Variants in CD86 observed in about 807,000 individuals in gnomAD.
CD86 encodes the protein T-lymphocyte activation antigen CD86.
Under a neutral mutation model 32.1 loss-of-function variants are expected in CD86, and 11 were observed. The observed-to-expected ratio is 0.34, with a 90% confidence interval of 0.22 to 0.57. The LOEUF is 0.57. Ranked by LOEUF, CD86 falls within the 20% of genes least tolerant of loss-of-function variation. The probability of loss-of-function intolerance (pLI) is 0.86; values close to 1 mark genes in which losing one functional copy is unlikely to be tolerated. For missense variants in CD86, 359 were observed against 398.4 expected, an observed-to-expected ratio of 0.90 and a Z score of 0.84; for synonymous variants, 137 against 135.3, an observed-to-expected ratio of 1.01 and a Z score of -0.09.
intron 1 of CD86, 121 bp downstream of exon 1, chr3:122,055,624 CT>C (rs1178271038): frequency 8.9e-6 from 8 of 895,752 alleles, no homozygotes; most frequent in Non-Finnish European, 1.3e-5. Flanking sequence ...GAGAAGCTTT[CT>C]TTTTCTACAA....
chr3:122,111,440 C>T (rs1465807131), intron 5 of CD86, among the ~76,000 whole-genome samples: 6 of 152,152 alleles, frequency 3.9e-5, no homozygotes, highest in Admixed American at 1.3e-4. Flanking sequence ...ATTAAGGCAC[C>T]AAGCTTGAGA....
chr3:122,105,690 A>G (rs2073079418), intron 3 of CD86, among the ~76,000 whole-genome samples: 1 of 152,170 alleles, frequency 6.6e-6, no homozygotes, highest in Non-Finnish European at 1.5e-5. Flanking sequence ...TCGAATTCCA[A>G]AATATCCACC....
chr3:122,103,109 C>G (rs779743995), intron 2 of CD86, among the ~76,000 whole-genome samples: 55 of 151,896 alleles, frequency 3.6e-4, no homozygotes, highest in Middle Eastern at 6.8e-3. Context: ...GTAACAGCTA[C>G]AGTGATGAAA....
At chr3:122,080,862 C>T (rs1335018060) in intron 1 of CD86, among the ~76,000 whole-genome samples, 1 of 152,150 alleles carries the variant, frequency 6.6e-6, no homozygotes, top group Non-Finnish European at 1.5e-5. Context: ...GTCCACCAGA[C>T]ACCAAGAAGT....
At chr3:122,090,124 A>G (rs74918147) in intron 1 of CD86, among the ~76,000 whole-genome samples, 2,990 of 152,248 alleles carry the variant, frequency 0.02, 105 homozygotes, top group African/African-American at 0.067. Context: ...GCTTTCCACT[A>G]TTTATCACCT....
At chr3:122,059,487 G>A (rs1429952322) in intron 1 of CD86, among the ~76,000 whole-genome samples, 1 of 148,892 alleles carries the variant, frequency 6.7e-6, no homozygotes, top group African/African-American at 2.5e-5. Context: ...AGTGAGCTGA[G>A]ATAGCACCAC....
chr3:122,117,028 A>G (rs1165470852), intron 5 of CD86, among the ~76,000 whole-genome samples: 3 of 152,194 alleles, frequency 2.0e-5, no homozygotes, highest in South Asian at 2.1e-4. Flanking sequence ...TTTATTAATT[A>G]TACCTCCATA....
intron 1 of CD86, among the ~76,000 whole-genome samples, chr3:122,069,441 A>G (rs1368407155): frequency 1.3e-5 from 2 of 152,186 alleles, no homozygotes; most frequent in Non-Finnish European, 2.9e-5. Context: ...GTCAATAGTG[A>G]TTGCCAGTTC....
chr3:122,088,265 A>G (rs979420933), intron 1 of CD86, among the ~76,000 whole-genome samples: 2 of 112,446 alleles, frequency 1.8e-5, no homozygotes, highest in African/African-American at 7.0e-5. Flanking sequence ...AATTTCTTTT[A>G]TTTTGAGTAT....
intron 2 of CD86, among the ~76,000 whole-genome samples, chr3:122,095,481 G>A (rs564426484): frequency 6.0e-4 from 92 of 152,148 alleles, no homozygotes; most frequent in Admixed American, 1.6e-3. Flanking sequence ...CACTGCGCCC[G>A]GCCCACCTTA....
At chr3:122,085,052 C>A (rs1036834440) in intron 1 of CD86, among the ~76,000 whole-genome samples, 2 of 152,154 alleles carry the variant, frequency 1.3e-5, no homozygotes, top group African/African-American at 4.8e-5. Flanking sequence ...CTGTAGGCAA[C>A]CACGTGAAGA....
chr3:122,103,944 G>C, intron 3 of CD86, 97 bp downstream of exon 3: 1 of 938,628 alleles, frequency 1.1e-6, no homozygotes, highest in Non-Finnish European at 1.6e-6. Flanking sequence ...AGGGGCCCAG[G>C]GGAAAAGGGG....
intron 5 of CD86, among the ~76,000 whole-genome samples, chr3:122,112,612 G>C (rs1217931643): frequency 6.6e-6 from 1 of 152,218 alleles, no homozygotes; most frequent in Admixed American, 6.5e-5. Flanking sequence ...CTGAAAGTTA[G>C]TGATATCATC....
rs771290530 is a variant in CD86, at chr3:122,103,677, G to C, written c.230G>C (p.Ser77Thr). The C allele has an allele frequency of 6.2e-6, 10 of 1,613,972 alleles. No individual in the cohort carries two copies. Among genetic ancestry groups the C allele is most frequent in the Non-Finnish European group, 8.5e-6 (10 of 1,179,948 alleles). ...EVYLGKEKFD[S>T]VHSKYMGRTS... ...TACTTAGGCAAAGAGAAATTTGACA[G>C]TGTTCATTCCAAGTATATGGGCCGC... Residue 77 changes from serine (S) to threonine (T), a missense_variant, in exon 3 of 7, where the codon AGT (serine) becomes ACT (threonine). Transcript: ENST00000330540.
intron 1 of CD86, among the ~76,000 whole-genome samples, chr3:122,066,383 T>C (rs1026156555): frequency 6.6e-6 from 1 of 152,050 alleles, no homozygotes; most frequent in Non-Finnish European, 1.5e-5. Flanking sequence ...ACTCAAAAGG[T>C]GCCCAGCTGC....
chr3:122,074,606 C>T (rs2072532388), intron 1 of CD86, among the ~76,000 whole-genome samples: 1 of 152,170 alleles, frequency 6.6e-6, no homozygotes, highest in Admixed American at 6.5e-5. Context: ...AATTGGAAAA[C>T]TCAGCTAAAT....
chr3:122,082,822 C>T (rs1426992083), intron 1 of CD86, among the ~76,000 whole-genome samples: 1 of 152,130 alleles, frequency 6.6e-6, no homozygotes, highest in African/African-American at 2.4e-5. Context: ...CATTTTGTGC[C>T]ATCTGCACAG....
rs2073313099 is a variant in CD86 at position 122,119,649 on chromosome 3, G to A, written c.*115G>A. ...AAAAAGACATTACCATGAGTAATAA[G>A]GGGGCTCCAGGACTCCCTCTAAGTG... On this transcript the variant is annotated 3_prime_UTR_variant, in exon 7 of 7. Transcript: ENST00000330540. 3.0e-6 allele frequency: 2 copies of A among 657,692 alleles called. No homozygotes were observed. The highest frequency in any genetic ancestry group is 2.7e-5 in the Admixed American group (1 of 37,248). 40.7% of individuals were successfully genotyped at this position (657,692 alleles called of 1,614,324 possible).
At chr3:122,070,794 G>A (rs550472104) in intron 1 of CD86, among the ~76,000 whole-genome samples, 7 of 152,298 alleles carry the variant, frequency 4.6e-5, no homozygotes, top group Middle Eastern at 3.4e-3. Flanking sequence ...TCTATGTATA[G>A]CATTGATTCC....
Sources: gnomAD v4.1 joint callset for allele counts (sites outside exome capture counted in the v4.1 genomes callset) on GRCh38, gnomAD v4.1.1 for gene constraint, MANE v1.5 for transcripts, NCBI Gene and HGNC (gene_info 2026-07-23, HGNC 2026-07-21) for gene names.